FBXL2: variants seen among roughly 807,000 people sequenced by gnomAD.
FBXL2 encodes F-box/LRR-repeat protein 2.
A neutral mutation model predicts 69.2 loss-of-function variants in FBXL2; 38 were observed. The ratio of observed to expected loss-of-function variants is 0.55; its 90% CI spans 0.42 to 0.72. The LOEUF (loss-of-function observed/expected upper bound fraction) is 0.72, where lower values mean the gene tolerates loss of function less well. Ranked by LOEUF, FBXL2 falls within the 30% of genes least tolerant of loss-of-function variation. FBXL2 has a pLI of 0.00. For synonymous variants in FBXL2, 192 were observed against 201.3 expected, an observed-to-expected ratio of 0.95 and a Z score of 0.39; for missense variants, 354 against 520.3, an observed-to-expected ratio of 0.68 and a Z score of 3.11.
the FBXL2 span, chr3:33,414,313 T>A: frequency 3.3e-5 from 5 of 152,030 alleles, no homozygotes; most frequent in Non-Finnish European, 5.9e-5. Context: ...GGAAAGGAAC[T>A]TCTTATATGA....
downstream of FBXL2, chr3:33,391,782 TGTGAAA>T (rs1224271795): frequency 2.6e-5 from 4 of 152,290 alleles, no homozygotes; most frequent in Non-Finnish European, 5.9e-5. Flanking sequence ...TCCACAGAGT[TGTGAAA>T]GTGAAAGAAA....
At chr3:33,352,755 G>A (rs2040912199) in intron 2 of FBXL2, among the ~76,000 whole-genome samples, 2 of 152,240 alleles carry the variant, frequency 1.3e-5, no homozygotes, top group African/African-American at 4.8e-5. Context: ...AATTAGCTGG[G>A]TGTGGTAATG....
At chr3:33,377,419 A>G (rs2042714031) in intron 11 of FBXL2, 86 bp downstream of exon 11, 2 of 1,287,744 alleles carry the variant, frequency 1.6e-6, no homozygotes, top group Admixed American at 3.4e-5. Flanking sequence ...GGTGTGCAAA[A>G]GACTACCTTC....
At chr3:33,410,552 C>T in the FBXL2 span, among the ~76,000 whole-genome samples, 1 of 152,156 alleles carries the variant, frequency 6.6e-6, no homozygotes, top group Non-Finnish European at 1.5e-5. Flanking sequence ...ACAGTTCATG[C>T]AAAGCATAGC....
intron 2 of FBXL2, among the ~76,000 whole-genome samples, chr3:33,312,184 G>C (rs1026455806): frequency 6.6e-5 from 10 of 152,018 alleles, no homozygotes; most frequent in African/African-American, 2.2e-4. Flanking sequence ...AGCCTCCTAA[G>C]TAGATGGGAC....
At chr3:33,410,435 T>C in the FBXL2 span, among the ~76,000 whole-genome samples, 1 of 152,204 alleles carries the variant, frequency 6.6e-6, no homozygotes, top group Non-Finnish European at 1.5e-5. Context: ...ACACCAACAG[T>C]ATGAGTTTAC....
chr3:33,350,065 C>T (rs1237221513), intron 2 of FBXL2, among the ~76,000 whole-genome samples: 1 of 151,906 alleles, frequency 6.6e-6, no homozygotes, highest in African/African-American at 2.4e-5. Context: ...TACTATAATA[C>T]CAAGACCATA....
intron 5 of FBXL2, among the ~76,000 whole-genome samples, chr3:33,370,002 TGG>T (rs1237476334): frequency 1.3e-5 from 2 of 152,254 alleles, no homozygotes; most frequent in Non-Finnish European, 2.9e-5. Flanking sequence ...TATTTTTATC[TGG>T]TATCATTTTC....
At chr3:33,417,195 G>A in the FBXL2 span, among the ~76,000 whole-genome samples, 1 of 152,106 alleles carries the variant, frequency 6.6e-6, no homozygotes, top group Non-Finnish European at 1.5e-5. Flanking sequence ...TTGGTTTTCA[G>A]TATAGTCAGA....
intron 12 of FBXL2, among the ~76,000 whole-genome samples, chr3:33,402,344 G>A (rs997245304): frequency 3.9e-5 from 6 of 152,112 alleles, no homozygotes; most frequent in Non-Finnish European, 7.4e-5. Flanking sequence ...TGTAGAAACC[G>A]AAAGGTCTTC....
At chr3:33,356,464 C>T (rs1304987050) in intron 2 of FBXL2, among the ~76,000 whole-genome samples, 1 of 152,142 alleles carries the variant, frequency 6.6e-6, no homozygotes, top group Non-Finnish European at 1.5e-5. Context: ...ATTCTCCTGC[C>T]TCAGCCTCCT....
chr3:33,375,251 G>A (rs1171927160), intron 9 of FBXL2, 37 bp from the exon 10 acceptor site: 1 of 1,596,400 alleles, frequency 6.3e-7, no homozygotes, highest in African/African-American at 1.3e-5. Flanking sequence ...TATTGCTGGT[G>A]TCCTCTGACT....
At chr3:33,322,963 A>G (rs1202948188) in intron 2 of FBXL2, among the ~76,000 whole-genome samples, 3 of 152,132 alleles carry the variant, frequency 2.0e-5, no homozygotes, top group South Asian at 4.1e-4. Flanking sequence ...GTCTTTAGCA[A>G]TAGGTGTCCC....
chr3:33,361,213 TTA>T (rs781104058), intron 4 of FBXL2, among the ~76,000 whole-genome samples: 18 of 151,570 alleles, frequency 1.2e-4, no homozygotes, highest in Non-Finnish European at 2.4e-4. Context: ...CCATGAACTT[TTA>T]AAGTCAGGCT....
At chr3:33,389,066 G>C (rs1345625275), downstream of FBXL2, 2 of 152,568 alleles carry the variant, frequency 1.3e-5, no homozygotes, top group African/African-American at 4.8e-5. Context: ...ATGGATTCTG[G>C]GAAGGTTTTG....
At chr3:33,347,494 T>C (rs2040530019) in intron 2 of FBXL2, among the ~76,000 whole-genome samples, 1 of 152,196 alleles carries the variant, frequency 6.6e-6, no homozygotes, top group African/African-American at 2.4e-5. Flanking sequence ...AGTGCAGATA[T>C]CTCTTCGATA....
intron 1 of FBXL2, among the ~76,000 whole-genome samples, chr3:33,290,708 T>C (rs1419608517): frequency 6.6e-6 from 1 of 152,030 alleles, no homozygotes. Flanking sequence ...TGTGGGACAA[T>C]ACAAAATTGT....
At chr3:33,407,701 T>C (rs904505341), downstream of FBXL2, among the ~76,000 whole-genome samples, 6 of 152,196 alleles carry the variant, frequency 3.9e-5, no homozygotes, top group African/African-American at 1.4e-4. Context: ...ATAGTGCTTG[T>C]GACAGTAACA....
At chr3:33,322,783 T>G (rs2038348037) in intron 2 of FBXL2, among the ~76,000 whole-genome samples, 1 of 152,188 alleles carries the variant, frequency 6.6e-6, no homozygotes, top group African/African-American at 2.4e-5. Flanking sequence ...TCATACTGTT[T>G]TATTATAAGG....
Sources: gnomAD v4.1 joint callset for allele counts (sites outside exome capture counted in the v4.1 genomes callset) on GRCh38, gnomAD v4.1.1 for gene constraint, MANE v1.5 for transcripts, NCBI Gene and HGNC (gene_info 2026-07-23, HGNC 2026-07-21) for gene names.